Variants in IGF2BP2 observed in about 807,000 individuals in gnomAD.
IGF2BP2 encodes the protein insulin-like growth factor 2 mRNA-binding protein 2.
IGF2BP2 carries 17 observed loss-of-function variants against 75.8 expected under a neutral mutation model. The observed-to-expected ratio is 0.22, with a 90% CI of 0.15 to 0.34. The LOEUF (loss-of-function observed/expected upper bound fraction) is 0.34, where lower values mean the gene tolerates loss of function less well. IGF2BP2 is among the 10% of genes least tolerant of loss of function. IGF2BP2 has a pLI of 1.00. For synonymous variants in IGF2BP2, 288 were observed against 295.6 expected (o/e 0.97, Z 0.26); for missense variants, 516 against 772.4 (o/e 0.67, Z 3.93).
chr3:185,687,127 G>A lies in IGF2BP2; in HGVS notation c.742C>T (p.Pro248Ser), dbSNP rs1432202480. ...CGGCATGCTTCAGAAGTCCCCTCTGGGGTGGCATGGATGGTGACAGGCTTC... is the reference window on the plus strand; with the variant it reads ...CGGCATGCTTCAGAAGTCCCCTCTGAGGTGGCATGGATGGTGACAGGCTTC... Reference protein sequence around the residue: ...AEKPVTIHATPEGTSEACRMI... With the variant: ...AEKPVTIHATSEGTSEACRMI... Residue 248 changes from proline (P) to serine (S), a missense_variant, in exon 7 of 16, where the codon CCA becomes TCA. This residue lies in a region of IGF2BP2 where 312 missense variants were observed against 474.5 expected (regional missense o/e 0.66). Transcript: ENST00000382199. 1.9e-6 allele frequency: 3 copies of A among 1,613,898 alleles called. No homozygotes were observed. The South Asian group carries it at 3.3e-5, about 18-fold the overall frequency.
chr3:185,761,304 C>G (rs1308784215), intron 2 of IGF2BP2, among the ~76,000 whole-genome samples: 1 of 152,150 alleles, frequency 6.6e-6, no homozygotes, highest in African/African-American at 2.4e-5. Flanking sequence ...GTTAGTGATT[C>G]AGCTTTAGTT....
intron 5 of IGF2BP2, among the ~76,000 whole-genome samples, chr3:185,690,153 A>C (rs915305341): frequency 5.9e-5 from 9 of 152,184 alleles, no homozygotes; most frequent in Non-Finnish European, 1.2e-4. Context: ...CAGCCTGGTC[A>C]GGCTTCATAT....
intron 2 of IGF2BP2, among the ~76,000 whole-genome samples, chr3:185,812,426 T>C (rs1488517940): frequency 6.6e-6 from 1 of 152,164 alleles, no homozygotes; most frequent in Admixed American, 6.5e-5. Flanking sequence ...GAAAAATCCA[T>C]AGATTTAGTA....
chr3:185,740,203 G>A (rs902619971), intron 2 of IGF2BP2, among the ~76,000 whole-genome samples: 41 of 152,114 alleles, frequency 2.7e-4, no homozygotes, highest in Admixed American at 2.5e-3. Context: ...ACAAAACCAT[G>A]TATGTCCACA....
chr3:185,647,319 G>C lies in IGF2BP2; in HGVS notation c.1594-181C>G, dbSNP rs1312683053. 6.6e-6 allele frequency among the ~76,000 whole-genome samples: 1 copy of C among 152,100 alleles called. No individual in the cohort carries two copies. Among genetic ancestry groups the C allele is most frequent in the Non-Finnish European group, 1.5e-5 (1 of 68,008 alleles). On this transcript the variant is annotated intron_variant, in intron 14 of 15. Transcript: ENST00000382199. The surrounding 1 kb of genome is among the most constrained non-coding windows in gnomAD (Gnocchi z 4.9). ...TCTGCCCCTGAGCACATGGGGCCAT[G>C]TTGGTTGGGCCCTGACAGGCTCAAT...
At chr3:185,808,148 G>A (rs866602365) in intron 2 of IGF2BP2, among the ~76,000 whole-genome samples, 2 of 139,818 alleles carry the variant, frequency 1.4e-5, no homozygotes. Context: ...AAGAAAGAAA[G>A]AAAGAAACAA....
intron 2 of IGF2BP2, among the ~76,000 whole-genome samples, chr3:185,805,486 C>A (rs1288922948): frequency 6.6e-6 from 1 of 152,150 alleles, no homozygotes; most frequent in Non-Finnish European, 1.5e-5. Flanking sequence ...CTGTGTGAGA[C>A]CTGAACCGGT....
At position 185,643,708 on chromosome 3, in the gene IGF2BP2, C is replaced by A. The variant is rs909000796; in HGVS notation, c.*1823G>T. 6.6e-6 allele frequency: 1 copy of A among 152,304 alleles called. No homozygotes were observed. Among genetic ancestry groups the A allele is most frequent in the Admixed American group, 6.6e-5 (1 of 15,252 alleles). 9.4% of individuals were successfully genotyped at this position (152,304 alleles called of 1,614,324 possible). A position where few individuals can be genotyped will look rare whatever the true frequency, so the allele number is the denominator to read the frequency against. On this transcript the variant is annotated 3_prime_UTR_variant, in exon 16 of 16. Transcript: ENST00000382199. ...AGCTGACACCTGGGATGAGGCAATG[C>A]CTAGTAAAATAAAACACCAAGACAC...
chr3:185,665,503 A>AAGG (rs1560252089), intron 10 of IGF2BP2, among the ~76,000 whole-genome samples: 5 of 26,088 alleles, frequency 1.9e-4, no homozygotes, highest in Admixed American at 1.0e-3. Context: ...GGAGGAGGAG[A>AAGG]AGGAGGAGGA....
intron 2 of IGF2BP2, among the ~76,000 whole-genome samples, chr3:185,783,450 G>T (rs6808808): frequency 6.6e-6 from 1 of 152,096 alleles, no homozygotes; most frequent in East Asian, 1.9e-4. Flanking sequence ...ACCCCTGAGG[G>T]CAGGACAAAG....
chr3:185,650,323 T>A (rs1714382399), intron 13 of IGF2BP2, among the ~76,000 whole-genome samples: 1 of 152,220 alleles, frequency 6.6e-6, no homozygotes, highest in South Asian at 2.1e-4. Flanking sequence ...ATGTTCTTTT[T>A]TTTTCTTTAC....
intron 2 of IGF2BP2, among the ~76,000 whole-genome samples, chr3:185,813,296 G>C (rs1165083843): frequency 2.6e-5 from 4 of 152,138 alleles, no homozygotes; most frequent in Non-Finnish European, 5.9e-5. Context: ...CTAGTATCTT[G>C]TTCTCTATTC....
chr3:185,667,521 A>T (rs903169848), intron 10 of IGF2BP2, among the ~76,000 whole-genome samples: 4 of 152,188 alleles, frequency 2.6e-5, no homozygotes, highest in African/African-American at 9.6e-5. Context: ...TTTATTTTAC[A>T]GTCTTGGATG....
intron 2 of IGF2BP2, among the ~76,000 whole-genome samples, chr3:185,758,757 G>T (rs1388315865): frequency 6.6e-6 from 1 of 152,182 alleles, no homozygotes; most frequent in Non-Finnish European, 1.5e-5. Context: ...TGGAAACTCA[G>T]ATGTTTCACT....
At chr3:185,764,772 G>A (rs756728122) in intron 2 of IGF2BP2, among the ~76,000 whole-genome samples, 1 of 152,178 alleles carries the variant, frequency 6.6e-6, no homozygotes, top group Non-Finnish European at 1.5e-5. Flanking sequence ...TGTTGCCTCT[G>A]AGATCACAGC....
At chr3:185,695,547 A>G (rs980521324) in intron 4 of IGF2BP2, among the ~76,000 whole-genome samples, 5 of 152,224 alleles carry the variant, frequency 3.3e-5, no homozygotes, top group Non-Finnish European at 5.9e-5. Flanking sequence ...GGCAAAAATA[A>G]TCTTTATCAT....
intron 2 of IGF2BP2, among the ~76,000 whole-genome samples, chr3:185,747,303 T>C (rs1265995050): frequency 6.6e-6 from 1 of 152,186 alleles, no homozygotes; most frequent in East Asian, 1.9e-4. Flanking sequence ...TTTCTCACTA[T>C]CCTTATGTTA....
intron 14 of IGF2BP2, among the ~76,000 whole-genome samples, chr3:185,648,267 A>G (rs1256191192): frequency 2.0e-5 from 3 of 152,006 alleles, no homozygotes; most frequent in Non-Finnish European, 4.4e-5. Flanking sequence ...GACCAGCCTG[A>G]CCTGACCAAA....
At chr3:185,734,243 TCAATTC>T (rs573828265) in intron 2 of IGF2BP2, among the ~76,000 whole-genome samples, 2 of 152,182 alleles carry the variant, frequency 1.3e-5, no homozygotes, top group Non-Finnish European at 2.9e-5. Flanking sequence ...TTTATCTCAT[TCAATTC>T]CAACAACAGC....
Sources: allele counts gnomAD v4.1 joint callset (sites outside exome capture counted in the v4.1 genomes callset), GRCh38; gene constraint gnomAD v4.1.1; regional missense constraint gnomAD v4.1.1; non-coding constraint Gnocchi (gnomAD v3.1); transcripts MANE v1.5; gene names NCBI Gene and HGNC (gene_info 2026-07-23, HGNC 2026-07-21).